ALS2: variants seen among roughly 807,000 people sequenced by gnomAD.
ALS2 encodes alsin Rho guanine nucleotide exchange factor ALS2, also known as alsin.
Under a neutral mutation model 203.4 loss-of-function variants are expected in ALS2, and 117 were observed. That is an observed-to-expected ratio of 0.58 (90% confidence interval 0.50 to 0.67). ALS2 has a LOEUF of 0.67. ALS2 is among the 30% of genes least tolerant of loss of function. ALS2 has a pLI of 0.00. For missense variants in ALS2, 1,715 were observed against 1,989.4 expected, an observed-to-expected ratio of 0.86 and a Z score of 2.62; for synonymous variants, 718 against 725.9, an observed-to-expected ratio of 0.99 and a Z score of 0.17.
chr2:201,720,002 C>A, intron 23 of ALS2: 1 of 298,554 alleles, frequency 3.3e-6, no homozygotes, highest in Non-Finnish European at 6.4e-6. Flanking sequence ...ATGCTTAGGC[C>A]CAGAAGACTT....
chr2:201,726,358 T>C (rs1453729358), intron 19 of ALS2, 126 bp downstream of exon 19: 1 of 866,248 alleles, frequency 1.2e-6, no homozygotes. Flanking sequence ...CTCATACATG[T>C]GCATTTCTAA....
chr2:201,742,319 T>C (rs1369015472), intron 10 of ALS2, among the ~76,000 whole-genome samples: 1 of 152,228 alleles, frequency 6.6e-6, no homozygotes, highest in Non-Finnish European at 1.5e-5. Flanking sequence ...TCTGCTCTAC[T>C]TGCCTCTTTG....
Position 201,741,396 on chromosome 2 carries a change from C to G in ALS2, c.2351+278G>C, listed in dbSNP as rs1210994826. 9.0e-6 allele frequency: 3 copies of G among 334,132 alleles called. No individual in the cohort carries two copies. In the East Asian group the frequency reaches 1.8e-4, roughly 20 times the overall value. The allele number at this position is 334,132 out of a possible 1,614,324, so 20.7% of individuals were successfully genotyped here. On this transcript the variant is annotated intron_variant, in intron 11 of 33. Coordinates refer to ENST00000264276, the MANE Select transcript of ALS2 (RefSeq NM_020919.4). ...GTAAACAAAATTGTTTTCTAAAGAA[C>G]CAGACTTATTATAGTACATTTAATG...
chr2:201,772,224 T>C (rs1694426034), intron 1 of ALS2, among the ~76,000 whole-genome samples: 1 of 152,106 alleles, frequency 6.6e-6, no homozygotes, highest in Admixed American at 6.5e-5. Flanking sequence ...GAGAAATAAG[T>C]TGTCCTGTAC....
At chr2:201,779,819 A>G (rs1694816894) in intron 1 of ALS2, among the ~76,000 whole-genome samples, 1 of 152,218 alleles carries the variant, frequency 6.6e-6, no homozygotes, top group Non-Finnish European at 1.5e-5. Flanking sequence ...AATCTTAACC[A>G]CTATGCTTAT....
intron 21 of ALS2, among the ~76,000 whole-genome samples, chr2:201,723,746 T>C (rs1022714119): frequency 1.3e-5 from 2 of 152,200 alleles, no homozygotes; most frequent in African/African-American, 4.8e-5. Context: ...AATTCAACTC[T>C]AAATAATTTC....
At chr2:201,740,643 T>G (rs1473023630) in intron 11 of ALS2, among the ~76,000 whole-genome samples, 1 of 152,204 alleles carries the variant, frequency 6.6e-6, no homozygotes, top group African/African-American at 2.4e-5. Context: ...GGGTACTTCC[T>G]CTTTGACAAC....
chr2:201,739,254 A>T (rs895492709), intron 11 of ALS2, among the ~76,000 whole-genome samples: 55 of 151,730 alleles, frequency 3.6e-4, no homozygotes, highest in Non-Finnish European at 5.9e-4. Flanking sequence ...AAAAAAAAAA[A>T]AAAAGATGGT....
chr2:201,701,541 C>G lies in ALS2; in HGVS notation c.*310G>C. 3 of 253,566 alleles carry G rather than the reference C, an allele frequency of 1.2e-5. No homozygotes were observed. The highest frequency in any genetic ancestry group is 2.3e-5 in the Non-Finnish European group (3 of 131,806). 15.7% of individuals were successfully genotyped at this position (253,566 alleles called of 1,614,324 possible). A position where few individuals can be genotyped will look rare whatever the true frequency, so the allele number is the denominator to read the frequency against. On this transcript the variant is annotated 3_prime_UTR_variant, in exon 34 of 34. Coordinates refer to ENST00000264276, the MANE Select transcript of ALS2 (RefSeq NM_020919.4). The stretch of plus-strand genomic sequence containing the variant: ...CTTACAACTTCATGTAGCTGACATA[C>G]CCTTTACTGTAGGAAGGGATATCCT...
At chr2:201,722,707 A>C (rs1323332518) in intron 23 of ALS2, 1 of 258,664 alleles carries the variant, frequency 3.9e-6, no homozygotes, top group East Asian at 8.9e-5. Context: ...ACTAAGTGTA[A>C]GAAGCCACAT....
chr2:201,744,633 G>T, intron 9 of ALS2, among the ~76,000 whole-genome samples: 1 of 152,006 alleles, frequency 6.6e-6, no homozygotes, highest in African/African-American at 2.4e-5. Flanking sequence ...TTTTTTTGGG[G>T]GGGTCGTCGG....
rs1182543397 is a variant in ALS2, at chr2:201,746,646, G to A, written c.1918C>T (p.Arg640Ter). 8.7e-6 allele frequency: 14 copies of A among 1,614,010 alleles called. No individual in the cohort carries two copies. Among genetic ancestry groups the A allele is most frequent in the East Asian group, 2.2e-5 (1 of 44,868 alleles). ...TTGTCACCTTCTGTAGGGTCCTGTC[G>A]GCCACTGTAATATAACCCAGGCTGG... ...DFQPGLYYSG[R>*]QDPTEGDNLP... The change falls in exon 9 of 34, where the codon CGA becomes TGA. Residue 640 changes from arginine (R) to a stop codon, truncating the protein, a stop_gained. Transcript: ENST00000264276. LOFTEE classifies it high-confidence loss of function.
At chr2:201,719,048 T>A (rs1690586655) in intron 23 of ALS2, among the ~76,000 whole-genome samples, 1 of 152,100 alleles carries the variant, frequency 6.6e-6, no homozygotes, top group South Asian at 2.1e-4. Flanking sequence ...AAAAGATATA[T>A]AAAATTGACA....
intron 8 of ALS2, among the ~76,000 whole-genome samples, chr2:201,747,842 G>A (rs1274608031): frequency 6.6e-6 from 1 of 152,122 alleles, no homozygotes; most frequent in Non-Finnish European, 1.5e-5. Context: ...TTCAAACCTC[G>A]GGATTCCACA....
intron 7 of ALS2, 108 bp downstream of exon 7, chr2:201,753,038 G>T: frequency 3.3e-6 from 3 of 898,856 alleles, no homozygotes; most frequent in South Asian, 1.3e-5. Flanking sequence ...AATGAGATAC[G>T]GTTATCATTG....
chr2:201,767,172 C>T, intron 3 of ALS2, 57 bp downstream of exon 3: 5 of 1,608,892 alleles, frequency 3.1e-6, no homozygotes, highest in Non-Finnish European at 4.3e-6. Context: ...TGACCTTCCA[C>T]ACTCAGGCAT....
chr2:201,760,343 C>G, intron 4 of ALS2: 1 of 985,326 alleles, frequency 1.0e-6, no homozygotes, highest in Non-Finnish European at 1.2e-6. Flanking sequence ...AAAATATTAG[C>G]CACCTCTTCA....
At chr2:201,737,887 A>T (rs996477542) in intron 12 of ALS2, among the ~76,000 whole-genome samples, 3 of 152,044 alleles carry the variant, frequency 2.0e-5, no homozygotes, top group Non-Finnish European at 2.9e-5. Context: ...GCGCCACTGC[A>T]TTCCAGCCTG....
At position 201,701,708 on chromosome 2, in the gene ALS2, T is replaced by A. The variant is rs187633728; in HGVS notation, c.*143A>T. On this transcript the variant is annotated 3_prime_UTR_variant, in exon 34 of 34. Transcript: ENST00000264276. ...TTTTCTGGGCTCAGGGCTCTTATTA[T>A]TGGTAAGGCTCATTCTAACAACCTA... 2.7e-5 allele frequency: 21 copies of A among 769,468 alleles called. No homozygotes were observed. The highest frequency in any genetic ancestry group is 4.0e-5 in the Non-Finnish European group (18 of 450,896). The allele number at this position is 769,468 out of a possible 1,614,324, so 47.7% of individuals were successfully genotyped here.
Sources: allele counts gnomAD v4.1 joint callset (sites outside exome capture counted in the v4.1 genomes callset), GRCh38; gene constraint gnomAD v4.1.1; transcripts MANE v1.5; gene names NCBI Gene and HGNC (gene_info 2026-07-23, HGNC 2026-07-21).